LPP: variants seen among roughly 807,000 people sequenced by gnomAD.
The protein encoded by LPP is lipoma-preferred partner.
In LPP, 38 loss-of-function variants were observed where a neutral mutation model predicts 60.4. That is an observed-to-expected ratio of 0.63 (90% confidence interval 0.49 to 0.83). The LOEUF is 0.83. Ranked by LOEUF, LPP falls within the 40% of genes least tolerant of loss-of-function variation. The pLI is 0.00. For synonymous variants in LPP, 328 were observed against 290.8 expected, an observed-to-expected ratio of 1.13 and a Z score of -1.30; for missense variants, 902 against 783.6, an observed-to-expected ratio of 1.15 and a Z score of -1.80.
At chr3:188,431,471 G>A (rs565123887) in intron 4 of LPP, among the ~76,000 whole-genome samples, 8 of 152,248 alleles carry the variant, frequency 5.3e-5, no homozygotes, top group East Asian at 1.9e-4. Context: ...CGAAGACCTC[G>A]CATTTATCTT....
rs186470303 is a variant in LPP at position 188,800,306 on chromosome 3, C to T, written c.1410+40024C>T. Among the ~76,000 whole-genome samples the T allele has an allele frequency of 5.4e-3, 701 of 129,478 alleles. 14 individuals carry two copies. The highest frequency in any genetic ancestry group is 0.018 in the African/African-American group (618 of 33,982). 84.9% of individuals were successfully genotyped at this position (129,478 alleles called of 152,430 possible). The stretch of plus-strand genomic sequence containing the variant: ...TGTCGCTCAGGCTGGGGTGCAGTGG[C>T]GCGATCTCAGCTCACTGCAAGCTCC... On this transcript the variant is annotated intron_variant, in intron 9 of 11. Coordinates refer to ENST00000617246, the MANE Select transcript of LPP (RefSeq NM_001375462.1).
chr3:188,439,725 T>TA (rs1793296925), intron 4 of LPP, among the ~76,000 whole-genome samples: 1 of 152,250 alleles, frequency 6.6e-6, no homozygotes, highest in Non-Finnish European at 1.5e-5. Context: ...GTGTAGTAGA[T>TA]ACCATCATAG....
At chr3:188,401,614 C>T (rs1319290130) in intron 3 of LPP, among the ~76,000 whole-genome samples, 2 of 152,196 alleles carry the variant, frequency 1.3e-5, no homozygotes, top group Non-Finnish European at 2.9e-5. Flanking sequence ...GAATCTGATT[C>T]ATCTATAGCT....
chr3:188,760,736 C>T (rs563333906), intron 9 of LPP, among the ~76,000 whole-genome samples: 1 of 152,186 alleles, frequency 6.6e-6, no homozygotes, highest in East Asian at 1.9e-4. Flanking sequence ...TTCCAGAATA[C>T]TGGGCCCTTT....
chr3:188,380,127 C>T (rs1257916553), intron 3 of LPP, among the ~76,000 whole-genome samples: 1 of 152,216 alleles, frequency 6.6e-6, no homozygotes, highest in Admixed American at 6.5e-5. Flanking sequence ...TCATGAACAA[C>T]TCCCTCCCAA....
At chr3:188,307,716 G>T (rs1373857453) in intron 2 of LPP, among the ~76,000 whole-genome samples, 2 of 152,122 alleles carry the variant, frequency 1.3e-5, no homozygotes, top group African/African-American at 2.4e-5. Context: ...TTCATCACAG[G>T]GAGCTTACAC....
At chr3:188,226,129 C>T (rs1717660827) in intron 2 of LPP, among the ~76,000 whole-genome samples, 1 of 152,178 alleles carries the variant, frequency 6.6e-6, no homozygotes, top group Non-Finnish European at 1.5e-5. Flanking sequence ...CTGCCTCAGC[C>T]TCCCGAGCAG....
At chr3:188,389,782 A>AAAG (rs1779243195) in intron 3 of LPP, among the ~76,000 whole-genome samples, 1 of 146,482 alleles carries the variant, frequency 6.8e-6, no homozygotes, top group Admixed American at 7.0e-5. Context: ...TCTCAAAAAA[A>AAAG]AAAAAAAAAA....
chr3:188,690,718 A>C (rs903664398), intron 7 of LPP, among the ~76,000 whole-genome samples: 9 of 152,170 alleles, frequency 5.9e-5, no homozygotes, highest in Non-Finnish European at 1.3e-4. Flanking sequence ...TTCTTCTTTT[A>C]GGGGTAGTTT....
Position 188,609,231 on chromosome 3 carries a change from C to A in LPP, c.500C>A (p.Pro167Gln). The A allele has an allele frequency of 6.2e-7, 1 of 1,613,942 alleles. No individual in the cohort carries two copies. The highest frequency in any genetic ancestry group is 8.5e-7 in the Non-Finnish European group (1 of 1,179,968). Reference protein sequence around the residue: ...PVTGHKRMVIPNQPPLTATKK... With the variant: ...PVTGHKRMVIQNQPPLTATKK... ...ACAGGACACAAGAGAATGGTCATCC[C>A]GAACCAACCCCCTCTAACAGCAACC... The change falls in exon 7 of 12, where the codon CCG becomes CAG. Residue 167 changes from proline (P) to glutamine (Q), a missense_variant. Pro to Gln is a moderately conservative substitution (Grantham distance 76). Coordinates refer to ENST00000617246, the MANE Select transcript of LPP (RefSeq NM_001375462.1). This position sits in a 1 kb window ranked among gnomAD's most constrained non-coding sequence, Gnocchi z 6.9.
intron 8 of LPP, among the ~76,000 whole-genome samples, chr3:188,754,649 C>A (rs1313889561): frequency 6.6e-6 from 1 of 151,800 alleles, no homozygotes; most frequent in African/African-American, 2.4e-5. Context: ...AGTTGGGAAC[C>A]AGGGATCAAT....
Position 188,888,541 on chromosome 3 carries a change from A to G in LPP, c.*14062A>G, listed in dbSNP as rs1038004963. ...GACTCAAATCTGTGATCTTCTGTTC[A>G]GCATACACATCAGCAAAGTGAGAAG... On this transcript the variant is annotated 3_prime_UTR_variant, in exon 12 of 12. Transcript: ENST00000617246. 1.8e-5 allele frequency: 4 copies of G among 227,664 alleles called. No individual in the cohort carries two copies. The highest frequency in any genetic ancestry group is 8.9e-5 in the African/African-American group (4 of 45,008). 14.1% of individuals were successfully genotyped at this position (227,664 alleles called of 1,614,324 possible). A position where few individuals can be genotyped will look rare whatever the true frequency, so the allele number is the denominator to read the frequency against.
intron 4 of LPP, among the ~76,000 whole-genome samples, chr3:188,453,414 G>C (rs972224408): frequency 6.6e-6 from 1 of 151,940 alleles, no homozygotes; most frequent in African/African-American, 2.4e-5. Context: ...GTATGATACC[G>C]ACCGGATCCT....
chr3:188,705,181 A>G (rs754167458), intron 7 of LPP, among the ~76,000 whole-genome samples: 2 of 152,240 alleles, frequency 1.3e-5, no homozygotes, highest in Non-Finnish European at 2.9e-5. Flanking sequence ...AAAGTCCCCT[A>G]AGATTCCACC....
At chr3:188,804,241 CTTTA>C (rs1375445988) in intron 9 of LPP, among the ~76,000 whole-genome samples, 19 of 16,798 alleles carry the variant, frequency 1.1e-3, no homozygotes, top group African/African-American at 4.4e-3. Flanking sequence ...TGTAGTGCAT[CTTTA>C]TATATATATA....
intron 2 of LPP, among the ~76,000 whole-genome samples, chr3:188,293,792 C>T (rs973609162): frequency 3.3e-5 from 5 of 152,046 alleles, no homozygotes; most frequent in African/African-American, 1.2e-4. Flanking sequence ...AGGCCGGGCA[C>T]CATGGCTCAT....
At chr3:188,715,357 A>C (rs923825727) in intron 8 of LPP, among the ~76,000 whole-genome samples, 7 of 124,958 alleles carry the variant, frequency 5.6e-5, no homozygotes, top group Non-Finnish European at 1.1e-4. Context: ...CAGCCTGGTG[A>C]CAGAGGGAGA....
intron 3 of LPP, among the ~76,000 whole-genome samples, chr3:188,368,813 G>A (rs934567768): frequency 4.0e-5 from 6 of 151,828 alleles, no homozygotes; most frequent in Non-Finnish European, 5.9e-5. Flanking sequence ...ATAGGACCTC[G>A]AATGTCTTCT....
chr3:188,622,167 G>C (rs531555283), intron 7 of LPP, among the ~76,000 whole-genome samples: 1 of 152,172 alleles, frequency 6.6e-6, no homozygotes, highest in South Asian at 2.1e-4. Context: ...GGCAGATAAT[G>C]GTATCTGTTT....
Sources: gnomAD v4.1 joint callset for allele counts (sites outside exome capture counted in the v4.1 genomes callset) on GRCh38, gnomAD v4.1.1 for gene constraint, Gnocchi (gnomAD v3.1) non-coding constraint, MANE v1.5 for transcripts, NCBI Gene and HGNC (gene_info 2026-07-23, HGNC 2026-07-21) for gene names.